The following SPIRE1 variants were observed in gnomAD, a reference collection of about 807,000 sequenced individuals.
The protein encoded by SPIRE1 is spire type actin nucleation factor 1.
In SPIRE1, 40 loss-of-function variants were observed where a neutral mutation model predicts 94.1. That is an observed-to-expected ratio of 0.43 (90% CI 0.33 to 0.55). SPIRE1 has a LOEUF of 0.55. Among genes scored for constraint, SPIRE1 ranks in the 20% least tolerant of loss-of-function variants. SPIRE1 has a pLI of 0.06. For synonymous variants in SPIRE1, 376 were observed against 371.7 expected, an observed-to-expected ratio of 1.01 and a Z score of -0.13; for missense variants, 838 against 975.2, an observed-to-expected ratio of 0.86 and a Z score of 1.87.
At chr18:12,610,157 C>T (rs142239633) in intron 2 of SPIRE1, among the ~76,000 whole-genome samples, 65 of 152,150 alleles carry the variant, frequency 4.3e-4, no homozygotes, top group African/African-American at 1.5e-3. Context: ...TACCCGTTCT[C>T]CTGTCTCAAG....
chr18:12,579,959 T>C (rs1272015132), intron 2 of SPIRE1, among the ~76,000 whole-genome samples: 1 of 152,212 alleles, frequency 6.6e-6, no homozygotes, highest in Non-Finnish European at 1.5e-5. Context: ...CCTCATCTTA[T>C]TTTTAAATAC....
rs543448401 is a variant in SPIRE1, at chr18:12,449,939, G to C, written c.2013-43C>G. 2.5e-6 allele frequency: 4 copies of C among 1,577,440 alleles called. No homozygotes were observed. The East Asian group carries it at 9.0e-5, about 35-fold the overall frequency. ...CAGAAGCCCAGCATTGTTACTTATAGGTCTGCTGCAATATTAAGAAAATAT... is the reference window on the plus strand; with the variant it reads ...CAGAAGCCCAGCATTGTTACTTATACGTCTGCTGCAATATTAAGAAAATAT... On this transcript the variant is annotated intron_variant, in intron 16 of 16. Transcript: ENST00000409402.
intron 2 of SPIRE1, among the ~76,000 whole-genome samples, chr18:12,585,089 C>T (rs572068587): frequency 6.6e-6 from 1 of 152,272 alleles, no homozygotes; most frequent in South Asian, 2.1e-4. Context: ...CAGGCGTGAG[C>T]TACCACGCCA....
intron 5 of SPIRE1, among the ~76,000 whole-genome samples, chr18:12,509,827 A>G (rs1450880135): frequency 1.3e-5 from 2 of 152,198 alleles, no homozygotes; most frequent in African/African-American, 4.8e-5. Flanking sequence ...TCATACCTGT[A>G]ATCCCAGCAC....
intron 2 of SPIRE1, among the ~76,000 whole-genome samples, chr18:12,557,721 T>TAC (rs1347505270): frequency 6.6e-6 from 1 of 150,442 alleles, no homozygotes; most frequent in Non-Finnish European, 1.5e-5. Flanking sequence ...CAAATATATA[T>TAC]ATATATATAT....
At chr18:12,644,572 G>T (rs1475724406) in intron 1 of SPIRE1, among the ~76,000 whole-genome samples, 1 of 152,100 alleles carries the variant, frequency 6.6e-6, no homozygotes, top group East Asian at 1.9e-4. Flanking sequence ...ATAAACGGTG[G>T]TCAAGCACTA....
intron 4 of SPIRE1, among the ~76,000 whole-genome samples, chr18:12,513,772 C>T (rs188997490): frequency 6.6e-6 from 1 of 152,296 alleles, no homozygotes; most frequent in African/African-American, 2.4e-5. Flanking sequence ...ATCCACCCGC[C>T]TCGGCCTCCC....
chr18:12,551,987 A>G (rs1244857185), intron 2 of SPIRE1, among the ~76,000 whole-genome samples: 6 of 152,212 alleles, frequency 3.9e-5, no homozygotes, highest in Admixed American at 3.9e-4. Context: ...AAAGAAAAGC[A>G]CAGCAATTGT....
At chr18:12,562,435 C>T (rs2035712154) in intron 2 of SPIRE1, among the ~76,000 whole-genome samples, 1 of 148,446 alleles carries the variant, frequency 6.7e-6, no homozygotes, top group South Asian at 2.1e-4. Flanking sequence ...CAGGCACCTG[C>T]CACCAACACC....
chr18:12,631,019 A>G lies in SPIRE1; in HGVS notation c.372+4043T>C, dbSNP rs2037759565. On this transcript the variant is annotated intron_variant, in intron 2 of 16. Transcript: ENST00000409402. ...AATGAGCCTGCCTTCTTGCTGACAA[A>G]AAGAGCCTTAAACCCATATGGCAAG... Among the ~76,000 whole-genome samples the G allele has an allele frequency of 2.0e-5, 3 of 152,256 alleles. No homozygotes were observed. The South Asian group carries it at 6.2e-4, about 32-fold the overall frequency.
intron 1 of SPIRE1, among the ~76,000 whole-genome samples, chr18:12,640,998 G>A (rs1224447202): frequency 2.0e-5 from 3 of 152,126 alleles, no homozygotes; most frequent in Non-Finnish European, 4.4e-5. Flanking sequence ...CCAGCGAGGA[G>A]GCTACTATCA....
At chr18:12,452,148 A>T in intron 16 of SPIRE1, 107 bp downstream of exon 16, 12 of 1,372,910 alleles carry the variant, frequency 8.7e-6, no homozygotes, top group Non-Finnish European at 1.2e-5. Flanking sequence ...CAACCAACAA[A>T]CCAATAAAAA....
At chr18:12,506,684 C>T (rs775406180) in intron 5 of SPIRE1, 43 bp from the exon 6 acceptor site, 1 of 1,566,038 alleles carries the variant, frequency 6.4e-7, no homozygotes, top group South Asian at 1.1e-5. Flanking sequence ...AATAAATGTA[C>T]TAGTTTCTTC....
chr18:12,537,310 CTTAT>C (rs946809052), intron 3 of SPIRE1, among the ~76,000 whole-genome samples: 128 of 152,268 alleles, frequency 8.4e-4, no homozygotes, highest in African/African-American at 3.1e-3. Flanking sequence ...GAGGCTTTAC[CTTAT>C]GTAACTTAAC....
Position 12,648,419 on chromosome 18 carries a change from C to G in SPIRE1, c.337+9111G>C, listed in dbSNP as rs1004441567. 5.9e-5 allele frequency among the ~76,000 whole-genome samples: 9 copies of G among 152,202 alleles called. 1 individual carries two copies. The South Asian group carries it at 1.9e-3, about 32-fold the overall frequency. On this transcript the variant is annotated intron_variant, in intron 1 of 16. Transcript: ENST00000409402. Reference sequence around the variant, plus strand: ...GGTATTCTTCCCCCAAAACTATAACCCAGTCTAGCCATAAAAATACCAGGC... The same window carrying G: ...GGTATTCTTCCCCCAAAACTATAACGCAGTCTAGCCATAAAAATACCAGGC...
At chr18:12,636,898 A>G (rs1456921774) in intron 1 of SPIRE1, among the ~76,000 whole-genome samples, 2 of 152,214 alleles carry the variant, frequency 1.3e-5, no homozygotes, top group Non-Finnish European at 2.9e-5. Flanking sequence ...TAAAATTGGT[A>G]ATTAATTTTA....
chr18:12,587,793 C>A (rs896150662), intron 2 of SPIRE1, among the ~76,000 whole-genome samples: 3 of 152,178 alleles, frequency 2.0e-5, no homozygotes, highest in African/African-American at 7.2e-5. Context: ...ATTAAGAATT[C>A]TTTCAAATTG....
rs1417619376 is a variant in SPIRE1 at position 12,583,169 on chromosome 18, CATA to C, written c.373-36268_373-36266del. Reference sequence around the variant, plus strand: ...AAATTAGTCCAAAGATATCAGAAATCATAATAAGTGTAAACAGGGGCCAGGCTC... The same window carrying C: ...AAATTAGTCCAAAGATATCAGAAATCATAAGTGTAAACAGGGGCCAGGCTC... On this transcript the variant is annotated intron_variant, in intron 2 of 16. Transcript: ENST00000409402. Among the ~76,000 whole-genome samples, 7 of 152,256 alleles carry C rather than the reference CATA, an allele frequency of 4.6e-5. No individual in the cohort carries two copies. The South Asian group carries it at 6.2e-4, about 14-fold the overall frequency.
chr18:12,503,116 A>G (rs2033719067), intron 6 of SPIRE1, among the ~76,000 whole-genome samples: 2 of 125,758 alleles, frequency 1.6e-5, no homozygotes, highest in South Asian at 4.5e-4. Flanking sequence ...CTCAAAAAAA[A>G]AGAAAAAAAA....
Sources: gnomAD v4.1 joint callset for allele counts (sites outside exome capture counted in the v4.1 genomes callset) on GRCh38, gnomAD v4.1.1 for gene constraint, MANE v1.5 for transcripts, NCBI Gene and HGNC (gene_info 2026-07-23, HGNC 2026-07-21) for gene names.